EYS: variants seen among roughly 807,000 people sequenced by gnomAD.
EYS encodes the protein protein eyes shut homolog.
In EYS, 250 loss-of-function variants were observed where a neutral mutation model predicts 282.1. That is an observed-to-expected ratio of 0.89 (90% CI 0.80 to 0.98). The LOEUF is 0.98. Among genes scored for constraint, EYS ranks in the 50% least tolerant of loss-of-function variants. EYS has a pLI of 0.00. For synonymous variants in EYS, 1,355 were observed against 1,282.9 expected (o/e 1.06, Z -1.20); for missense variants, 4,016 against 3,709.0 (o/e 1.08, Z -2.15).
chr6:63,817,541 C>T (rs1771210760), intron 36 of EYS, among the ~76,000 whole-genome samples: 1 of 152,096 alleles, frequency 6.6e-6, no homozygotes, highest in African/African-American at 2.4e-5. Flanking sequence ...CTTCTCTTCC[C>T]CCCAGTCTCC....
At chr6:64,905,496 T>C (rs1040272905) in intron 16 of EYS, among the ~76,000 whole-genome samples, 5 of 152,216 alleles carry the variant, frequency 3.3e-5, no homozygotes, top group Non-Finnish European at 5.9e-5. Context: ...TTGATCCTTT[T>C]CTTACACTGT....
intron 26 of EYS, among the ~76,000 whole-genome samples, chr6:64,454,944 C>T (rs923350711): frequency 6.6e-6 from 1 of 152,040 alleles, no homozygotes; most frequent in African/African-American, 2.4e-5. Context: ...CTCAAGTTAA[C>T]GTATAGAAAT....
chr6:64,454,203 T>C (rs139274228), intron 26 of EYS, among the ~76,000 whole-genome samples: 69 of 152,288 alleles, frequency 4.5e-4, no homozygotes, highest in African/African-American at 1.5e-3. Context: ...TCCATGTACC[T>C]GAATCTGTTT....
intron 22 of EYS, among the ~76,000 whole-genome samples, chr6:64,630,999 T>C (rs1041462470): frequency 2.6e-5 from 4 of 152,206 alleles, no homozygotes; most frequent in African/African-American, 9.7e-5. Context: ...TGAAATTACT[T>C]ACCCAACTTG....
intron 2 of EYS, among the ~76,000 whole-genome samples, chr6:65,614,081 C>T (rs910483670): frequency 2.0e-5 from 3 of 151,914 alleles, no homozygotes; most frequent in Admixed American, 1.3e-4. Flanking sequence ...TACAATACGA[C>T]GTGTCTTTAA....
chr6:65,146,217 G>A (rs534120854), intron 12 of EYS, among the ~76,000 whole-genome samples: 15 of 151,432 alleles, frequency 9.9e-5, no homozygotes, highest in African/African-American at 1.7e-4. Context: ...TCTAAGCAAC[G>A]TTTAGCTTAT....
chr6:65,357,015 G>C (rs1016557621), intron 8 of EYS, among the ~76,000 whole-genome samples: 2 of 151,852 alleles, frequency 1.3e-5, no homozygotes, highest in African/African-American at 4.8e-5. Flanking sequence ...AGCACTTTTT[G>C]CATAAAACAT....
intron 11 of EYS, among the ~76,000 whole-genome samples, chr6:65,332,741 C>G (rs1769841370): frequency 1.3e-5 from 2 of 151,264 alleles, no homozygotes; most frequent in Non-Finnish European, 3.0e-5. Flanking sequence ...GTTACAATGT[C>G]TCAGTGAAGT....
At chr6:65,056,127 C>G (rs938680382) in intron 13 of EYS, among the ~76,000 whole-genome samples, 2 of 151,890 alleles carry the variant, frequency 1.3e-5, no homozygotes, top group African/African-American at 4.8e-5. Flanking sequence ...TTTTGGGTAC[C>G]AGCCAATATT....
At chr6:63,839,032 A>G (rs1771881428) in intron 36 of EYS, among the ~76,000 whole-genome samples, 1 of 152,202 alleles carries the variant, frequency 6.6e-6, no homozygotes, top group African/African-American at 2.4e-5. Context: ...TAGCATATTC[A>G]TCATGTTTAA....
Position 65,228,222 on chromosome 6 carries a change from A to G in EYS, c.2023+67641T>C, listed in dbSNP as rs188795567. 6.9e-3 allele frequency among the ~76,000 whole-genome samples: 1,056 copies of G among 152,162 alleles called. 16 individuals are homozygous for G. Among genetic ancestry groups the G allele is most frequent in the Non-Finnish European group, 4.7e-3 (321 of 67,942 alleles). On this transcript the variant is annotated intron_variant, in intron 12 of 42. Coordinates refer to ENST00000503581, the MANE Select transcript of EYS (RefSeq NM_001142800.2). ...AGGTTTTTAAATGGTGAAATAAGAC[A>G]AGGAAAATACAGAAAAAGCACTCAG... is the stretch of plus-strand genomic sequence containing the variant.
intron 12 of EYS, among the ~76,000 whole-genome samples, chr6:65,203,344 C>T (rs920978849): frequency 4.6e-5 from 7 of 152,114 alleles, no homozygotes; most frequent in African/African-American, 1.7e-4. Flanking sequence ...AGATATGCAA[C>T]CCAAGCCCTG....
chr6:64,171,432 G>C (rs771980302), intron 31 of EYS, among the ~76,000 whole-genome samples: 27 of 151,926 alleles, frequency 1.8e-4, no homozygotes, highest in Non-Finnish European at 3.4e-4. Context: ...TGAATGAGTT[G>C]GTTGAATGAG....
intron 26 of EYS, among the ~76,000 whole-genome samples, chr6:64,472,285 T>A (rs1776143226): frequency 6.6e-6 from 1 of 152,172 alleles, no homozygotes; most frequent in African/African-American, 2.4e-5. Context: ...TTGATAGAGG[T>A]GAGAAGGAGC....
At chr6:65,011,493 C>T (rs902508616) in intron 13 of EYS, among the ~76,000 whole-genome samples, 2 of 152,168 alleles carry the variant, frequency 1.3e-5, no homozygotes, top group Non-Finnish European at 1.5e-5. Flanking sequence ...CTAGCCCATG[C>T]TCTGAAGTTA....
chr6:65,442,705 G>A (rs1323285936), intron 5 of EYS, among the ~76,000 whole-genome samples: 1 of 151,758 alleles, frequency 6.6e-6, no homozygotes, highest in African/African-American at 2.4e-5. Flanking sequence ...AGTGAGTCAA[G>A]ATTGTGCCAC....
rs1562133589 is a variant in EYS, at chr6:64,686,742, A to AATATATATATATATATATGTGT, written c.3444-60498_3444-60497insACACATATATATATATATATAT. 6.8e-4 allele frequency among the ~76,000 whole-genome samples: 23 copies of AATATATATATATATATATGTGT among 33,726 alleles called. 1 individual carries two copies. The highest frequency in any genetic ancestry group is 1.2e-3 in the Admixed American group (3 of 2,562). 22.1% of individuals were successfully genotyped at this position (33,726 alleles called of 152,430 possible). On this transcript the variant is annotated intron_variant, in intron 22 of 42. Coordinates refer to ENST00000503581, the MANE Select transcript of EYS (RefSeq NM_001142800.2). ...GGGCGACAGAGCAAGATTCCATCTA[A>AATATATATATATATATATGTGT]ATATATATATATATATATATGTGTG...
intron 15 of EYS, among the ~76,000 whole-genome samples, chr6:64,927,366 A>G (rs1768551290): frequency 6.6e-6 from 1 of 152,300 alleles, no homozygotes; most frequent in South Asian, 2.1e-4. Flanking sequence ...TCTACAAGAA[A>G]AGAAATATCC....
intron 41 of EYS, among the ~76,000 whole-genome samples, chr6:63,730,598 C>T (rs1050561426): frequency 6.6e-6 from 1 of 152,176 alleles, no homozygotes; most frequent in Non-Finnish European, 1.5e-5. Context: ...GCTACTTTTC[C>T]TCCTTTTCTT....
Sources: gnomAD v4.1 joint callset for allele counts (sites outside exome capture counted in the v4.1 genomes callset) on GRCh38, gnomAD v4.1.1 for gene constraint, MANE v1.5 for transcripts, NCBI Gene and HGNC (gene_info 2026-07-23, HGNC 2026-07-21) for gene names.